Variants in SNX32 observed in about 807,000 individuals in gnomAD.
SNX32 encodes sorting nexin-32.
SNX32 carries 58 observed loss-of-function variants against 57.0 expected under a neutral mutation model. The observed-to-expected ratio is 1.02, with a 90% confidence interval of 0.82 to 1.27. The LOEUF (loss-of-function observed/expected upper bound fraction) is 1.27. SNX32 is among the 50% of genes most tolerant of loss of function. The pLI, the probability that SNX32 is intolerant of heterozygous loss-of-function variation, is 0.00. For synonymous variants in SNX32, 262 were observed against 220.4 expected (o/e 1.19, Z -1.67); for missense variants, 589 against 541.2 (o/e 1.09, Z -0.88).
Position 65,850,033 on chromosome 11 carries a change from G to T in SNX32, c.252+3G>T. The T allele has an allele frequency of 6.2e-7, 1 of 1,614,152 alleles. No homozygotes were observed. Among genetic ancestry groups the T allele is most frequent in the Non-Finnish European group, 8.5e-7 (1 of 1,179,984 alleles). On this transcript the variant is annotated splice_donor_region_variant and intron_variant, in intron 3 of 12. Transcript: ENST00000308342. ...ATGAGGAGTACGCCGGCCTCATCGT[G>T]AGGAGGGGCTGGGCAGGGGCTGGGA... is the stretch of plus-strand genomic sequence containing the variant.
In SNX32 at chr11:65,852,972, C is replaced by A. The variant is rs1164119673; in HGVS notation, c.1158+14C>A. On this transcript the variant is annotated intron_variant, in intron 12 of 12. Transcript: ENST00000308342. ...AAACACGCCAAGGTGAGCCCTCCCA[C>A]CTCACTGGGCCCTTGTGAAGCCTCC... is the stretch of plus-strand genomic sequence containing the variant. 3.7e-6 allele frequency: 6 copies of A among 1,613,676 alleles called. No individual in the cohort carries two copies. Among genetic ancestry groups the A allele is most frequent in the Non-Finnish European group, 5.1e-6 (6 of 1,179,704 alleles).
Position 65,851,334 on chromosome 11 carries a change from C to A in SNX32, c.716C>A (p.Ala239Glu). 6.2e-7 allele frequency: 1 copy of A among 1,614,154 alleles called. No homozygotes were observed. Among genetic ancestry groups the A allele is most frequent in the Non-Finnish European group, 8.5e-7 (1 of 1,180,010 alleles). Residue 239 changes from alanine (A) to glutamate (E), a missense_variant, in exon 8 of 13, where the codon GCA becomes GAA. Coordinates refer to ENST00000308342, the MANE Select transcript of SNX32 (RefSeq NM_152760.3). ...DRVMRAHKCL[A>E]DDYIPISAAL... ...GGGGGCTGTTCCCCAACAGGCCTGG[C>A]AGACGATTATATCCCTATCTCAGCT...
intron 1 of SNX32, among the ~76,000 whole-genome samples, chr11:65,840,289 A>G (rs1211986266): frequency 6.6e-6 from 1 of 152,214 alleles, no homozygotes; most frequent in Non-Finnish European, 1.5e-5. Context: ...AGCTTCATTA[A>G]GATACCCTTG....
intron 1 of SNX32, among the ~76,000 whole-genome samples, chr11:65,836,702 CTA>C (rs1175284222): frequency 6.6e-6 from 1 of 152,150 alleles, no homozygotes; most frequent in East Asian, 1.9e-4. Context: ...CACATATACA[CTA>C]TGGAATATTA....
intron 1 of SNX32, among the ~76,000 whole-genome samples, chr11:65,848,120 G>A (rs1164303548): frequency 6.6e-6 from 1 of 152,086 alleles, no homozygotes; most frequent in East Asian, 1.9e-4. Flanking sequence ...CCCCATCTCA[G>A]GGACCATCTC....
rs767055674 is a variant in SNX32 at position 65,849,932 on chromosome 11, C to T, written c.154C>T (p.His52Tyr). 9.5e-6 allele frequency: 15 copies of T among 1,574,418 alleles called. No individual in the cohort carries two copies. Among genetic ancestry groups the T allele is most frequent in the Non-Finnish European group, 8.6e-7 (1 of 1,156,578 alleles). Reference protein sequence around the residue: ...FTVQTKSCLPHFAQTEFSVVR... With the variant: ...FTVQTKSCLPYFAQTEFSVVR... ...TTCCCGCTTCCAGAGCTGCCTCCCTCACTTCGCCCAGACCGAGTTCTCAGT... is the reference window on the plus strand; with the variant it reads ...TTCCCGCTTCCAGAGCTGCCTCCCTTACTTCGCCCAGACCGAGTTCTCAGT... Residue 52 changes from histidine (H) to tyrosine (Y), a missense_variant, in exon 3 of 13, where the codon CAC becomes TAC. Transcript: ENST00000308342.
rs770182662 is a variant in SNX32 at position 65,850,169 on chromosome 11, G to A, written c.272G>A (p.Arg91Lys). The change falls in exon 4 of 13, where the codon AGG becomes AAG. Residue 91 changes from arginine to lysine, a missense_variant. Coordinates refer to ENST00000308342, the MANE Select transcript of SNX32 (RefSeq NM_152760.3). ...AGLIIPPAPP[R>K]PDFEASREKL... ...GAGCAGATCCCCCCAGCCCCTCCGA[G>A]GCCAGACTTTGAGGCTTCGAGGGAA... The A allele has an allele frequency of 3.1e-6, 5 of 1,614,112 alleles. No individual in the cohort carries two copies. In the African/African-American group the frequency reaches 4.0e-5, roughly 13 times the overall value.
chr11:65,834,845 T>C (rs1334495713), intron 1 of SNX32, among the ~76,000 whole-genome samples: 2 of 151,436 alleles, frequency 1.3e-5, no homozygotes, highest in Non-Finnish European at 1.5e-5. Context: ...TGTGTATTTC[T>C]GGGTCTGTGT....
In SNX32 at chr11:65,853,455, G is replaced by A; in HGVS notation, c.*120G>A. ...GTGCCACTAGCCACACCCTCACTCTGCCCCACATCCTCTCAGGGAAAGCCC... is the reference window on the plus strand; with the variant it reads ...GTGCCACTAGCCACACCCTCACTCTACCCCACATCCTCTCAGGGAAAGCCC... On this transcript the variant is annotated 3_prime_UTR_variant, in exon 13 of 13. Transcript: ENST00000308342. 9.9e-7 allele frequency: 1 copy of A among 1,008,176 alleles called. No homozygotes were observed. Among genetic ancestry groups the A allele is most frequent in the Non-Finnish European group, 1.5e-6 (1 of 652,594 alleles). 62.5% of individuals were successfully genotyped at this position (1,008,176 alleles called of 1,614,324 possible). A position where few individuals can be genotyped will look rare whatever the true frequency, so the allele number is the denominator to read the frequency against.
chr11:65,851,699 C>T lies in SNX32; in HGVS notation c.825+20C>T. 1.2e-6 allele frequency: 2 copies of T among 1,613,678 alleles called. No individual in the cohort carries two copies. The highest frequency in any genetic ancestry group is 4.5e-5 in the East Asian group (2 of 44,880). On this transcript the variant is annotated intron_variant, in intron 9 of 12. Coordinates refer to ENST00000308342, the MANE Select transcript of SNX32 (RefSeq NM_152760.3). ...CTGAGGGTGAGTACTGCCTTCTGTG[C>T]TCAAAGGCTTTCCTGGTGAGCTTTG...
chr11:65,833,974 G>A lies in SNX32; in HGVS notation c.-92G>A. On this transcript the variant is annotated 5_prime_UTR_variant, in exon 1 of 13. Transcript: ENST00000308342. ...GGGAGAGCGTCCCCGTCAGCTGAGA[G>A]CATCCTCACTCGGTCAGTTCCTCGG... 1 of 1,422,014 alleles carries A rather than the reference G, an allele frequency of 7.0e-7. No individual in the cohort carries two copies. The highest frequency in any genetic ancestry group is 9.6e-7 in the Non-Finnish European group (1 of 1,042,916). 88.1% of individuals were successfully genotyped at this position (1,422,014 alleles called of 1,614,324 possible).
intron 7 of SNX32, 35 bp downstream of exon 7, chr11:65,851,195 C>T (rs759244910): frequency 6.2e-7 from 1 of 1,603,512 alleles, no homozygotes; most frequent in South Asian, 1.1e-5. Context: ...GATCCCCCTG[C>T]CCCTCTCCCC....
In SNX32 at chr11:65,851,417, C is replaced by T; in HGVS notation, c.785+14C>T. The T allele has an allele frequency of 6.2e-7, 1 of 1,613,360 alleles. No individual in the cohort carries two copies. Among genetic ancestry groups the T allele is most frequent in the Non-Finnish European group, 8.5e-7 (1 of 1,179,326 alleles). On this transcript the variant is annotated intron_variant, in intron 8 of 12. Coordinates refer to ENST00000308342, the MANE Select transcript of SNX32 (RefSeq NM_152760.3). ...CCAGCTAAGGACGTGAGGACTCCCC[C>T]CACCCCTACCCTCTCCCTGTGCCTG...
At chr11:65,851,573 C>G in intron 8 of SNX32, 67 bp from the exon 9 acceptor site, 2 of 1,588,380 alleles carry the variant, frequency 1.3e-6, no homozygotes, top group East Asian at 4.5e-5. Context: ...CAAGGAGAGG[C>G]TGAGACAGAG....
intron 6 of SNX32, 82 bp from the exon 7 acceptor site, chr11:65,850,973 G>C: frequency 6.7e-7 from 1 of 1,493,300 alleles, no homozygotes. Context: ...GGTTTGGAAG[G>C]AGATTTTGCC....
chr11:65,853,368 G>C lies in SNX32; in HGVS notation c.*33G>C, dbSNP rs765128296. Reference sequence around the variant, plus strand: ...AGAGCTCAGCCAGACCCTAATCTGGGATCTCCAGTGACCAGGGTATCCCAG... The same window carrying C: ...AGAGCTCAGCCAGACCCTAATCTGGCATCTCCAGTGACCAGGGTATCCCAG... On this transcript the variant is annotated 3_prime_UTR_variant, in exon 13 of 13. Coordinates refer to ENST00000308342, the MANE Select transcript of SNX32 (RefSeq NM_152760.3). 2.5e-6 allele frequency: 4 copies of C among 1,606,628 alleles called. No homozygotes were observed. The highest frequency in any genetic ancestry group is 3.4e-6 in the Non-Finnish European group (4 of 1,173,430).
In SNX32 at chr11:65,851,356, A is replaced by C; in HGVS notation, c.738A>C (p.Ser246=). The C allele has an allele frequency of 6.2e-7, 1 of 1,614,154 alleles. No individual in the cohort carries two copies. Among genetic ancestry groups the C allele is most frequent in the Non-Finnish European group, 8.5e-7 (1 of 1,180,004 alleles). ...KCLADDYIPI[S]AALSSLGTQE... is the part of the protein sequence containing the mutation. ...TGGCAGACGATTATATCCCTATCTC[A>C]GCTGCGCTGAGCAGTCTGGGAACAC... The change falls in exon 8 of 13, where the codon TCA becomes TCC. Residue 246 remains serine, a synonymous_variant. Transcript: ENST00000308342.
chr11:65,837,697 G>A (rs1473083945), intron 1 of SNX32, among the ~76,000 whole-genome samples: 1 of 150,336 alleles, frequency 6.7e-6, no homozygotes, highest in Non-Finnish European at 1.5e-5. Context: ...CCACACATCT[G>A]TAATCCCCAC....
In SNX32 at chr11:65,853,085, G is replaced by A. The variant is rs1859273846; in HGVS notation, c.1158+127G>A. 5 of 1,280,994 alleles carry A rather than the reference G, an allele frequency of 3.9e-6. No homozygotes were observed. The South Asian group carries it at 4.9e-5, about 13-fold the overall frequency. The allele number at this position is 1,280,994 out of a possible 1,614,324, so 79.4% of individuals were successfully genotyped here. ...CATGTATGCGCGTGTGTGTGCATGAGAGGAGCCCCAGCTAAGGCTTGGGGC... is the reference window on the plus strand; with the variant it reads ...CATGTATGCGCGTGTGTGTGCATGAAAGGAGCCCCAGCTAAGGCTTGGGGC... On this transcript the variant is annotated intron_variant, in intron 12 of 12. Transcript: ENST00000308342.
Sources: allele counts gnomAD v4.1 joint callset (sites outside exome capture counted in the v4.1 genomes callset), GRCh38; gene constraint gnomAD v4.1.1; transcripts MANE v1.5; gene names NCBI Gene and HGNC (gene_info 2026-07-23, HGNC 2026-07-21).